NAV3: variants seen among roughly 807,000 people sequenced by gnomAD.
The protein encoded by NAV3 is pore membrane and/or filament interacting like protein 1.
Under a neutral mutation model 244.7 loss-of-function variants are expected in NAV3, and 87 were observed. That is an observed-to-expected ratio of 0.36 (90% CI 0.30 to 0.42). The LOEUF (loss-of-function observed/expected upper bound fraction) is 0.42, where lower values mean the gene tolerates loss of function less well. NAV3 is among the 20% of genes least tolerant of loss of function. The pLI is 1.00. For missense variants in NAV3, 2,663 were observed against 2,893.3 expected (o/e 0.92, Z 1.83); for synonymous variants, 1,126 against 1,042.2 (o/e 1.08, Z -1.55).
At chr12:77,850,963 C>T (rs1330749549) in intron 1 of NAV3, among the ~76,000 whole-genome samples, 1 of 152,160 alleles carries the variant, frequency 6.6e-6, no homozygotes, top group Non-Finnish European at 1.5e-5. Context: ...AATACTAGTC[C>T]TCAGAGCATT....
chr12:77,783,954 A>G (rs1311280250), intron 2 of NAV3, among the ~76,000 whole-genome samples: 2 of 152,136 alleles, frequency 1.3e-5, no homozygotes, highest in Non-Finnish European at 2.9e-5. Flanking sequence ...GAGTAAAAGC[A>G]CAGACTTTGG....
intron 1 of NAV3, among the ~76,000 whole-genome samples, chr12:77,887,998 G>T (rs575284423): frequency 3.4e-5 from 5 of 146,510 alleles, no homozygotes; most frequent in African/African-American, 1.3e-4. Context: ...ACAATAAAGC[G>T]TATCTAAAGA....
At position 78,188,265 on chromosome 12, in the gene NAV3, A is replaced by G. The variant is rs911997542; in HGVS notation, c.5808A>G (p.Ala1936=). ...TTATTTAGGACCAAAAATCTCAGGC[A>G]TATTTGATAGGATCCATTGGTGTTA... is the stretch of plus-strand genomic sequence containing the variant. ...YGRAKDQKSQ[A]YLIGSIGVSG... is the part of the protein sequence containing the mutation. Residue 1936 remains alanine, a synonymous_variant, in exon 32 of 40, where the codon GCA becomes GCG. Coordinates refer to ENST00000397909, the MANE Select transcript of NAV3 (RefSeq NM_001024383.2). 6.2e-7 allele frequency: 1 copy of G among 1,610,870 alleles called. No individual in the cohort carries two copies. Among genetic ancestry groups the G allele is most frequent in the African/African-American group, 1.3e-5 (1 of 74,890 alleles).
At chr12:77,700,574 G>A (rs951897952) in intron 2 of NAV3, among the ~76,000 whole-genome samples, 3 of 152,024 alleles carry the variant, frequency 2.0e-5, no homozygotes, top group African/African-American at 7.2e-5. Context: ...AATAGAAATA[G>A]TGAGAACAGA....
intron 24 of NAV3, among the ~76,000 whole-genome samples, chr12:78,170,034 G>T (rs900025761): frequency 1.3e-5 from 2 of 151,418 alleles, no homozygotes; most frequent in Admixed American, 1.3e-4. Flanking sequence ...AAAATATATA[G>T]AAAATCATCT....
At chr12:78,102,265 G>C (rs1954573695) in intron 12 of NAV3, among the ~76,000 whole-genome samples, 1 of 152,160 alleles carries the variant, frequency 6.6e-6, no homozygotes, top group South Asian at 2.1e-4. Flanking sequence ...AAATTAATGG[G>C]TTACAGGGCA....
At chr12:77,743,148 C>G (rs1868372109) in intron 2 of NAV3, among the ~76,000 whole-genome samples, 1 of 151,922 alleles carries the variant, frequency 6.6e-6, no homozygotes, top group African/African-American at 2.4e-5. Context: ...AAGTATAGTA[C>G]TGTAAATGTA....
chr12:77,898,575 A>G (rs770881608), intron 1 of NAV3, among the ~76,000 whole-genome samples: 94 of 152,340 alleles, frequency 6.2e-4, no homozygotes, highest in Admixed American at 1.2e-3. Flanking sequence ...TAGGCAAAGT[A>G]TGTGATCAGT....
At chr12:78,112,685 A>G (rs1051988828) in intron 12 of NAV3, among the ~76,000 whole-genome samples, 12 of 152,160 alleles carry the variant, frequency 7.9e-5, no homozygotes, top group African/African-American at 1.7e-4. Context: ...TATGGGAACT[A>G]CAATTCAAGA....
At chr12:78,198,725 G>GC in intron 36 of NAV3, 49 bp downstream of exon 36, 1 of 1,007,410 alleles carries the variant, frequency 9.9e-7, no homozygotes, top group South Asian at 1.4e-5. Context: ...GTTTTGTGTT[G>GC]GGGGGGGCAG....
intron 2 of NAV3, among the ~76,000 whole-genome samples, chr12:77,774,963 G>T (rs1045184991): frequency 2.6e-5 from 4 of 152,144 alleles, no homozygotes; most frequent in Non-Finnish European, 5.9e-5. Context: ...ATGAATGCCT[G>T]GTCATAGTAT....
chr12:78,210,708 T>C lies in NAV3; in HGVS notation c.*191T>C, dbSNP rs991172050. On this transcript the variant is annotated 3_prime_UTR_variant, in exon 40 of 40. Transcript: ENST00000397909. ...CTAAATTGCAATGGAAGCTTAACTT[T>C]AGTTTATTTCTAAGCATTTTTTATA... is the stretch of plus-strand genomic sequence containing the variant. 7.5e-5 allele frequency: 47 copies of C among 628,664 alleles called. No individual in the cohort carries two copies. Among genetic ancestry groups the C allele is most frequent in the African/African-American group, 7.4e-4 (40 of 53,900 alleles). 38.9% of individuals were successfully genotyped at this position (628,664 alleles called of 1,614,324 possible). A position where few individuals can be genotyped will look rare whatever the true frequency, so the allele number is the denominator to read the frequency against.
At chr12:77,713,741 A>G (rs1310341256) in intron 2 of NAV3, among the ~76,000 whole-genome samples, 2 of 152,122 alleles carry the variant, frequency 1.3e-5, no homozygotes, top group Admixed American at 6.6e-5. Flanking sequence ...ATGTACCAGC[A>G]AGAACTGAAA....
At chr12:77,710,166 T>C (rs1876037807) in intron 2 of NAV3, among the ~76,000 whole-genome samples, 1 of 152,224 alleles carries the variant, frequency 6.6e-6, no homozygotes, top group African/African-American at 2.4e-5. Flanking sequence ...TACCCAGCTG[T>C]ATTCCAAACA....
At chr12:77,737,335 C>T (rs1400495284) in intron 2 of NAV3, among the ~76,000 whole-genome samples, 5 of 150,984 alleles carry the variant, frequency 3.3e-5, no homozygotes, top group African/African-American at 1.2e-4. Context: ...AGGAGGGTGG[C>T]ATGTATCAGG....
intron 1 of NAV3, among the ~76,000 whole-genome samples, chr12:77,890,474 C>G (rs1036303836): frequency 2.0e-5 from 3 of 152,038 alleles, no homozygotes; most frequent in African/African-American, 4.8e-5. Flanking sequence ...AACATATTTT[C>G]ATTTCTTTAA....
chr12:78,079,882 C>T (rs537416673), intron 12 of NAV3, among the ~76,000 whole-genome samples: 6 of 152,168 alleles, frequency 3.9e-5, no homozygotes, highest in South Asian at 2.1e-4. Context: ...GTCACTTGTA[C>T]GTGTTTAAAT....
At chr12:77,839,285 A>G (rs376650015) in intron 1 of NAV3, among the ~76,000 whole-genome samples, 1 of 152,240 alleles carries the variant, frequency 6.6e-6, no homozygotes, top group African/African-American at 2.4e-5. Context: ...AACTTAAATC[A>G]TAGTAATAAC....
At chr12:78,071,399 T>C (rs1408963846) in intron 12 of NAV3, among the ~76,000 whole-genome samples, 1 of 152,010 alleles carries the variant, frequency 6.6e-6, no homozygotes, top group Non-Finnish European at 1.5e-5. Flanking sequence ...TTGATGGGGT[T>C]GTTTGTTTTT....
Sources: gnomAD v4.1 joint callset for allele counts (sites outside exome capture counted in the v4.1 genomes callset) on GRCh38, gnomAD v4.1.1 for gene constraint, MANE v1.5 for transcripts, NCBI Gene and HGNC (gene_info 2026-07-23, HGNC 2026-07-21) for gene names.